Variants in PTH2R observed in about 807,000 individuals in gnomAD.
The protein encoded by PTH2R is PTH2 receptor.
In PTH2R, 59 loss-of-function variants were observed where a neutral mutation model predicts 60.3. The ratio of observed to expected loss-of-function variants is 0.98; its 90% CI spans 0.79 to 1.22. The LOEUF (loss-of-function observed/expected upper bound fraction) is 1.22. Among genes scored for constraint, PTH2R ranks in the 50% most tolerant of loss-of-function variants. The probability of loss-of-function intolerance (pLI) is 0.00; values close to 1 mark genes in which losing one functional copy is unlikely to be tolerated. For synonymous variants in PTH2R, 256 were observed against 243.8 expected (o/e 1.05, Z -0.47); for missense variants, 749 against 682.6 (o/e 1.10, Z -1.08).
At chr2:208,439,510 TA>T (rs1702141793) in intron 4 of PTH2R, among the ~76,000 whole-genome samples, 1 of 151,926 alleles carries the variant, frequency 6.6e-6, no homozygotes, top group Non-Finnish European at 1.5e-5. Flanking sequence ...TAATAGTTAA[TA>T]AAATTTTTTT....
At chr2:208,453,930 T>A (rs1702458851) in intron 8 of PTH2R, among the ~76,000 whole-genome samples, 1 of 152,300 alleles carries the variant, frequency 6.6e-6, no homozygotes, top group Non-Finnish European at 1.5e-5. Flanking sequence ...TAAGGCCCGA[T>A]CATTATATAT....
chr2:208,488,921 G>T (rs1703335485), intron 10 of PTH2R, 91 bp from the exon 11 acceptor site: 1 of 1,362,590 alleles, frequency 7.3e-7, no homozygotes, highest in Admixed American at 2.1e-5. Flanking sequence ...ACCCCCATTA[G>T]CTCTGCTAAG....
chr2:208,438,014 A>G, intron 4 of PTH2R, 133 bp downstream of exon 4: 1 of 1,217,356 alleles, frequency 8.2e-7, no homozygotes, highest in Non-Finnish European at 1.1e-6. Context: ...GATAAAAGCA[A>G]TGTTGCAATC....
intron 1 of PTH2R, among the ~76,000 whole-genome samples, chr2:208,385,618 C>G (rs979836550): frequency 2.0e-5 from 3 of 152,198 alleles, no homozygotes; most frequent in Non-Finnish European, 4.4e-5. Flanking sequence ...CTATCCTGGA[C>G]TGTCATCTTT....
At chr2:208,480,108 C>G (rs1435261597) in intron 9 of PTH2R, among the ~76,000 whole-genome samples, 2 of 152,144 alleles carry the variant, frequency 1.3e-5, no homozygotes, top group Non-Finnish European at 2.9e-5. Context: ...AGGGCTGATA[C>G]AGTCAGTCAG....
intron 1 of PTH2R, among the ~76,000 whole-genome samples, chr2:208,420,258 A>C (rs1041493288): frequency 1.8e-4 from 27 of 152,226 alleles, no homozygotes; most frequent in African/African-American, 6.5e-4. Context: ...CACATTGTGC[A>C]CATGTACCCT....
At chr2:208,442,173 A>T (rs1174618794) in intron 4 of PTH2R, among the ~76,000 whole-genome samples, 191 bp from the exon 5 acceptor site, 1 of 152,202 alleles carries the variant, frequency 6.6e-6, no homozygotes, top group African/African-American at 2.4e-5. Context: ...AGCAAGGGGC[A>T]CAAATGAACT....
chr2:208,410,354 T>G (rs1319056725), intron 1 of PTH2R, among the ~76,000 whole-genome samples: 2 of 152,196 alleles, frequency 1.3e-5, no homozygotes, highest in Non-Finnish European at 2.9e-5. Flanking sequence ...CAGCCATGAT[T>G]TATACTCTGA....
intron 4 of PTH2R, among the ~76,000 whole-genome samples, chr2:208,440,002 T>C (rs991796210): frequency 2.0e-5 from 3 of 152,260 alleles, no homozygotes; most frequent in African/African-American, 7.2e-5. Context: ...CGCAAATATA[T>C]GCATATAAAT....
intron 9 of PTH2R, among the ~76,000 whole-genome samples, chr2:208,476,971 T>C (rs2105901435): frequency 6.6e-6 from 1 of 152,318 alleles, no homozygotes; most frequent in Middle Eastern, 3.4e-3. Flanking sequence ...GCCTAAATTT[T>C]GACTTCTTTA....
At chr2:208,365,850 T>C (rs1363534174) in intron 1 of PTH2R, among the ~76,000 whole-genome samples, 1 of 140,976 alleles carries the variant, frequency 7.1e-6, no homozygotes, top group Admixed American at 7.3e-5. Context: ...GCAATTCTGC[T>C]TCAGCCTCCT....
chr2:208,362,315 G>A (rs1001151096), intron 1 of PTH2R, among the ~76,000 whole-genome samples: 2 of 152,024 alleles, frequency 1.3e-5, no homozygotes, highest in Admixed American at 1.3e-4. Context: ...AATCATGTGA[G>A]CTAATTCCCA....
chr2:208,360,125 C>A (rs775775233), exon 1 of PTH2R: 14 of 408,724 alleles, frequency 3.4e-5, no homozygotes, highest in Middle Eastern at 4.2e-4. Context: ...CGAAAATGAC[C>A]TTTTTATGCT....
intron 11 of PTH2R, among the ~76,000 whole-genome samples, chr2:208,489,582 A>C (rs989249582): frequency 1.3e-5 from 2 of 152,168 alleles, no homozygotes; most frequent in Non-Finnish European, 2.9e-5. Context: ...TGAAGCTGTA[A>C]TTACCATCAT....
At position 208,455,115 on chromosome 2, in the gene PTH2R, G is replaced by T. The variant is rs1268144895; in HGVS notation, c.914+4306G>T. Among the ~76,000 whole-genome samples the T allele has an allele frequency of 2.6e-5, 4 of 152,214 alleles. No homozygotes were observed. In the East Asian group the frequency reaches 5.8e-4, roughly 22 times the overall value. On this transcript the variant is annotated intron_variant, in intron 8 of 12. Coordinates refer to ENST00000272847, the MANE Select transcript of PTH2R (RefSeq NM_005048.4). ...TATTTGAATTTGTTAACAATTGAGG[G>T]TTGATGTTATCTAATTGACATCATT...
At chr2:208,395,460 G>A (rs918948457) in intron 1 of PTH2R, among the ~76,000 whole-genome samples, 4 of 152,156 alleles carry the variant, frequency 2.6e-5, no homozygotes, top group Non-Finnish European at 5.9e-5. Flanking sequence ...TAGAAATATT[G>A]TGTGCTCACC....
chr2:208,375,654 C>CTG (rs1700779374), intron 1 of PTH2R, among the ~76,000 whole-genome samples: 1 of 152,098 alleles, frequency 6.6e-6, no homozygotes, highest in Non-Finnish European at 1.5e-5. Context: ...TACCAGAGCC[C>CTG]AGCAGCCTGT....
rs548711243 is a variant in PTH2R at position 208,449,800 on chromosome 2, A to C, written c.854-949A>C. Among the ~76,000 whole-genome samples, 135 of 152,334 alleles carry C rather than the reference A, an allele frequency of 8.9e-4. No individual in the cohort carries two copies. The South Asian group carries it at 0.018, about 20-fold the overall frequency. Reference sequence around the variant, plus strand: ...AAAATTACAATTTTTTTAAAGGTTAAGAATTTAAAGTTATGCTTGATAAAA... The same window carrying C: ...AAAATTACAATTTTTTTAAAGGTTACGAATTTAAAGTTATGCTTGATAAAA... On this transcript the variant is annotated intron_variant, in intron 7 of 12. Coordinates refer to ENST00000272847, the MANE Select transcript of PTH2R (RefSeq NM_005048.4).
chr2:208,389,227 T>TACACACAC lies in PTH2R; in HGVS notation c.-259+29024_-259+29031dup, dbSNP rs71041306. Among the ~76,000 whole-genome samples the TACACACAC allele has an allele frequency of 8.3e-3, 1,180 of 142,622 alleles. 17 individuals are homozygous for TACACACAC. The highest frequency in any genetic ancestry group is 0.027 in the African/African-American group (1,057 of 38,706). The allele number at this position is 142,622 out of a possible 152,430, so 93.6% of individuals were successfully genotyped here. On this transcript the variant is annotated intron_variant, in intron 1 of 12. Transcript: ENST00000617735. ...TGATGATACATTAAAAGGAAATGCA[T>TACACACAC]ACACACACACACACACACACACACA...
Sources: gnomAD v4.1 joint callset for allele counts (sites outside exome capture counted in the v4.1 genomes callset) on GRCh38, gnomAD v4.1.1 for gene constraint, MANE v1.5 for transcripts, NCBI Gene and HGNC (gene_info 2026-07-23, HGNC 2026-07-21) for gene names.